Variants in TMEM181 observed in about 807,000 individuals in gnomAD.
TMEM181 encodes G protein-coupled receptor 178.
In TMEM181, 39 loss-of-function variants were observed where a neutral mutation model predicts 71.9. The observed-to-expected ratio is 0.54, with a 90% CI of 0.42 to 0.71. The LOEUF (loss-of-function observed/expected upper bound fraction) is 0.71, where lower values mean the gene tolerates loss of function less well. TMEM181 is among the 30% of genes least tolerant of loss of function. The probability of loss-of-function intolerance (pLI) is 0.00; values close to 1 mark genes in which losing one functional copy is unlikely to be tolerated. For synonymous variants in TMEM181, 245 were observed against 228.8 expected (o/e 1.07, Z -0.64); for missense variants, 595 against 583.0 (o/e 1.02, Z -0.21).
intron 1 of TMEM181, among the ~76,000 whole-genome samples, chr6:158,538,640 T>G (rs964779523): frequency 6.6e-6 from 1 of 152,210 alleles, no homozygotes; most frequent in African/African-American, 2.4e-5. Context: ...TTCCTGCTGT[T>G]GTTCTAGGCG....
At chr6:158,625,002 GT>G in intron 11 of TMEM181, 101 bp from the exon 12 acceptor site, 1 of 890,180 alleles carries the variant, frequency 1.1e-6, no homozygotes, top group Admixed American at 1.7e-5. Context: ...CAGGGTTGAA[GT>G]CCCTTCTAAA....
At chr6:158,592,366 C>CG (rs1205075070) in intron 6 of TMEM181, among the ~76,000 whole-genome samples, 10 of 152,082 alleles carry the variant, frequency 6.6e-5, no homozygotes, top group African/African-American at 2.2e-4. Context: ...TAGATTGGGC[C>CG]GGGGGCAGTA....
intron 1 of TMEM181, among the ~76,000 whole-genome samples, chr6:158,561,494 T>C (rs1179150964): frequency 6.6e-6 from 1 of 152,216 alleles, no homozygotes; most frequent in African/African-American, 2.4e-5. Flanking sequence ...GAGTGACAGC[T>C]GCGTGTTACA....
At chr6:158,577,976 G>A (rs971768566) in intron 2 of TMEM181, among the ~76,000 whole-genome samples, 1 of 152,142 alleles carries the variant, frequency 6.6e-6, no homozygotes, top group African/African-American at 2.4e-5. Context: ...TGTAATCCTA[G>A]CTACTTGGGA....
At chr6:158,605,432 A>T in intron 7 of TMEM181, 85 bp downstream of exon 7, 1 of 1,244,304 alleles carries the variant, frequency 8.0e-7, no homozygotes, top group East Asian at 2.3e-5. Flanking sequence ...GGTGCAAGCC[A>T]CATGGAGATT....
chr6:158,559,662 G>A (rs980107005), upstream of TMEM181, among the ~76,000 whole-genome samples: 1 of 152,204 alleles, frequency 6.6e-6, no homozygotes. Context: ...GGTGGCAGAA[G>A]TTTGTCCTGG....
At chr6:158,608,184 C>G (rs539831779) in intron 8 of TMEM181, 149 bp from the exon 9 acceptor site, 21 of 1,041,654 alleles carry the variant, frequency 2.0e-5, no homozygotes, top group Non-Finnish European at 2.5e-5. Context: ...TGACCCCGCA[C>G]AGGTATGGGG....
At position 158,573,478 on chromosome 6, in the gene TMEM181, GTCT is replaced by G. The variant is rs1325668635; in HGVS notation, c.73_75del (p.Phe25del). ...GCGCCACTTTGTCCTCGTGTTTGTC[GTCT>G]TCTTCATCTGCTTTGGCCTGACCAT... On this transcript the variant is annotated inframe_deletion, in exon 2 of 17. Transcript: ENST00000684151. The G allele has an allele frequency of 3.1e-6, 5 of 1,606,612 alleles. No homozygotes were observed. Among genetic ancestry groups the G allele is most frequent in the African/African-American group, 1.3e-5 (1 of 74,740 alleles).
intron 1 of TMEM181, among the ~76,000 whole-genome samples, chr6:158,539,547 C>T (rs186303341): frequency 4.3e-4 from 66 of 152,330 alleles, no homozygotes; most frequent in Admixed American, 2.2e-3. Flanking sequence ...ACTCACCTCA[C>T]GTGGTTGGCA....
rs1426517701 is a variant in TMEM181, at chr6:158,633,588, AAGT to A, written c.*1704_*1706del. 6.8e-6 allele frequency: 1 copy of A among 147,180 alleles called. No homozygotes were observed. Among genetic ancestry groups the A allele is most frequent in the Non-Finnish European group, 1.5e-5 (1 of 66,346 alleles). The allele number at this position is 147,180 out of a possible 1,614,324, so 9.1% of individuals were successfully genotyped here. On this transcript the variant is annotated 3_prime_UTR_variant, in exon 17 of 17. Transcript: ENST00000684151. ...AGAGCTTCACGTTATCATCCACGTTAAGTAGTGCTAGGTAGGACCTTAGAGATG... is the reference window on the plus strand; with the variant it reads ...AGAGCTTCACGTTATCATCCACGTTAAGTGCTAGGTAGGACCTTAGAGATG...
chr6:158,628,953 A>C (rs1786503607), intron 14 of TMEM181, among the ~76,000 whole-genome samples: 1 of 152,162 alleles, frequency 6.6e-6, no homozygotes, highest in Non-Finnish European at 1.5e-5. Flanking sequence ...CTCTCTCATC[A>C]TCACGGAGAT....
At chr6:158,573,611 C>G (rs1782999937) in intron 2 of TMEM181, 88 bp downstream of exon 2, 1 of 1,121,240 alleles carries the variant, frequency 8.9e-7, no homozygotes, top group African/African-American at 1.5e-5. Flanking sequence ...GTGCCCCTAT[C>G]TTCCACTGCT....
upstream of TMEM181, among the ~76,000 whole-genome samples, chr6:158,559,439 G>A (rs1309726415): frequency 1.3e-5 from 2 of 152,188 alleles, no homozygotes; most frequent in African/African-American, 4.8e-5. Context: ...ACAGCACACG[G>A]GAACACGGGA....
upstream of TMEM181, chr6:158,559,982 G>C (rs1186902776): frequency 2.2e-6 from 2 of 920,852 alleles, no homozygotes; most frequent in Admixed American, 1.2e-4. Flanking sequence ...GGCCACGAAG[G>C]AGGGCCACCC....
At chr6:158,564,750 CAT>C (rs2128287729) in intron 1 of TMEM181, among the ~76,000 whole-genome samples, 2 of 152,244 alleles carry the variant, frequency 1.3e-5, no homozygotes, top group African/African-American at 4.8e-5. Context: ...TGCCTGCTGT[CAT>C]GTGGTCAGGA....
At chr6:158,543,572 G>C (rs980475763) in intron 1 of TMEM181, among the ~76,000 whole-genome samples, 3 of 152,236 alleles carry the variant, frequency 2.0e-5, no homozygotes, top group African/African-American at 4.8e-5. Flanking sequence ...TCTGTCCCAG[G>C]CCTTTTCTCC....
At chr6:158,622,925 C>G (rs984402163) in intron 10 of TMEM181, among the ~76,000 whole-genome samples, 1 of 152,214 alleles carries the variant, frequency 6.6e-6, no homozygotes, top group African/African-American at 2.4e-5. Flanking sequence ...CCCACGCTTG[C>G]TCTTTATGAG....
At chr6:158,616,297 G>A (rs1785610201) in intron 10 of TMEM181, among the ~76,000 whole-genome samples, 1 of 152,016 alleles carries the variant, frequency 6.6e-6, no homozygotes, top group Non-Finnish European at 1.5e-5. Context: ...TCTGTTATTG[G>A]TGTATAGGAA....
intron 8 of TMEM181, among the ~76,000 whole-genome samples, chr6:158,607,816 G>A (rs1414042563): frequency 6.6e-6 from 1 of 152,244 alleles, no homozygotes; most frequent in East Asian, 1.9e-4. Context: ...GCAGATGCCT[G>A]GCTCTCTAAC....
Sources: allele counts gnomAD v4.1 joint callset (sites outside exome capture counted in the v4.1 genomes callset), GRCh38; gene constraint gnomAD v4.1.1; transcripts MANE v1.5; gene names NCBI Gene and HGNC (gene_info 2026-07-23, HGNC 2026-07-21).